CTNNA3: variants seen among roughly 807,000 people sequenced by gnomAD.
The protein encoded by CTNNA3 is catenin alpha 3.
CTNNA3 carries 76 observed loss-of-function variants against 95.7 expected under a neutral mutation model. The ratio of observed to expected loss-of-function variants is 0.79; its 90% CI spans 0.66 to 0.96. The LOEUF (loss-of-function observed/expected upper bound fraction) is 0.96, where lower values mean the gene tolerates loss of function less well. CTNNA3 is among the 40% of genes least tolerant of loss of function. CTNNA3 has a pLI of 0.00. For synonymous variants in CTNNA3, 431 were observed against 374.4 expected (o/e 1.15, Z -1.74); for missense variants, 1,191 against 1,089.8 (o/e 1.09, Z -1.31).
intron 2 of CTNNA3, among the ~76,000 whole-genome samples, chr10:67,640,919 C>G (rs976159960): frequency 1.4e-4 from 22 of 152,138 alleles, no homozygotes; most frequent in African/African-American, 5.1e-4. Flanking sequence ...AAAACCTAGG[C>G]AATACCATTC....
chr10:67,054,734 A>C (rs138298456), intron 7 of CTNNA3: 1 of 152,218 alleles, frequency 6.6e-6, no homozygotes, highest in East Asian at 1.9e-4. Flanking sequence ...TCGAAGTACA[A>C]CACTTCTCAA....
At chr10:67,512,073 A>G (rs909743184) in intron 5 of CTNNA3, among the ~76,000 whole-genome samples, 1 of 152,074 alleles carries the variant, frequency 6.6e-6, no homozygotes, top group Non-Finnish European at 1.5e-5. Context: ...GCTTCTCTAA[A>G]TAGAAATTTT....
chr10:66,649,169 T>C (rs1005155450), intron 9 of CTNNA3, among the ~76,000 whole-genome samples: 1 of 152,058 alleles, frequency 6.6e-6, no homozygotes, highest in African/African-American at 2.4e-5. Flanking sequence ...ATGATTTCAG[T>C]GGAGAATGCG....
intron 7 of CTNNA3, among the ~76,000 whole-genome samples, chr10:67,110,162 A>T (rs1334060957): frequency 1.3e-5 from 2 of 152,364 alleles, no homozygotes; most frequent in Non-Finnish European, 2.9e-5. Context: ...TGAACTCATT[A>T]GACAATAACT....
chr10:66,867,205 T>C (rs4746645), intron 7 of CTNNA3, among the ~76,000 whole-genome samples: 56,675 of 152,092 alleles, frequency 0.37, 11,976 homozygotes, highest in Non-Finnish European at 0.5. Flanking sequence ...ATATACATTT[T>C]CATTATCTTC....
intron 6 of CTNNA3, among the ~76,000 whole-genome samples, chr10:67,199,885 A>G (rs577999685): frequency 1.3e-5 from 2 of 152,324 alleles, no homozygotes; most frequent in Non-Finnish European, 2.9e-5. Context: ...ACAATACATA[A>G]TTCCATCAAG....
intron 3 of CTNNA3, among the ~76,000 whole-genome samples, chr10:67,598,193 C>A (rs1842981469): frequency 1.3e-5 from 2 of 152,164 alleles, no homozygotes; most frequent in East Asian, 1.9e-4. Flanking sequence ...TGTGATCATT[C>A]TTGTTCCAAA....
At chr10:67,330,771 C>T (rs1841754743) in intron 5 of CTNNA3, among the ~76,000 whole-genome samples, 2 of 151,960 alleles carry the variant, frequency 1.3e-5, no homozygotes, top group South Asian at 4.1e-4. Flanking sequence ...ATACAGATCA[C>T]TCCCCAAACC....
chr10:67,373,499 G>GACTT (rs1171461128), intron 5 of CTNNA3, among the ~76,000 whole-genome samples: 1 of 152,164 alleles, frequency 6.6e-6, no homozygotes, highest in African/African-American at 2.4e-5. Context: ...CGTACAAAGA[G>GACTT]ACTTAGACTC....
At chr10:66,056,220 GT>G (rs934462244) in intron 15 of CTNNA3, among the ~76,000 whole-genome samples, 6 of 151,928 alleles carry the variant, frequency 3.9e-5, no homozygotes, top group African/African-American at 1.2e-4. Flanking sequence ...ATACATACTT[GT>G]TGAGGGTTTT....
At chr10:67,717,858 G>T (rs1159185630) in intron 1 of CTNNA3, among the ~76,000 whole-genome samples, 4 of 152,220 alleles carry the variant, frequency 2.6e-5, no homozygotes, top group Non-Finnish European at 5.9e-5. Context: ...TATGAAGAAA[G>T]TCAGTGGTAG....
At chr10:66,588,591 GT>G in intron 10 of CTNNA3, among the ~76,000 whole-genome samples, 1 of 152,086 alleles carries the variant, frequency 6.6e-6, no homozygotes. Flanking sequence ...AGTCTGATAG[GT>G]TTTCCTTTAT....
Position 66,036,903 on chromosome 10 carries a change from C to T in CTNNA3, c.2159+32405G>A, listed in dbSNP as rs571520244. On this transcript the variant is annotated intron_variant, in intron 15 of 17. Coordinates refer to ENST00000433211, the MANE Select transcript of CTNNA3 (RefSeq NM_013266.4). ...TTTTTTTTTTTTTGAGACTGAGTCT[C>T]GCCCTGTCGCCCAGGCTGGAGTGCA... 8.3e-4 allele frequency among the ~76,000 whole-genome samples: 106 copies of T among 128,304 alleles called. 1 individual carries two copies. Among genetic ancestry groups the T allele is most frequent in the African/African-American group, 2.9e-3 (98 of 33,544 alleles). The allele number at this position is 128,304 out of a possible 152,430, so 84.2% of individuals were successfully genotyped here.
At chr10:66,622,918 C>T (rs1020802575) in intron 9 of CTNNA3, among the ~76,000 whole-genome samples, 61 of 152,010 alleles carry the variant, frequency 4.0e-4, no homozygotes, top group African/African-American at 1.3e-3. Flanking sequence ...AATAACTCCT[C>T]GGTTTTCATT....
chr10:66,141,407 T>G (rs1331402799), intron 13 of CTNNA3, among the ~76,000 whole-genome samples: 1 of 152,122 alleles, frequency 6.6e-6, no homozygotes, highest in Non-Finnish European at 1.5e-5. Flanking sequence ...ATATTGTTAT[T>G]TATACCAAAA....
At chr10:66,727,635 AG>A (rs1371719055) in intron 9 of CTNNA3, among the ~76,000 whole-genome samples, 6 of 152,124 alleles carry the variant, frequency 3.9e-5, no homozygotes, top group Non-Finnish European at 7.4e-5. Context: ...TAAATCTAAT[AG>A]AGAAGTAGCA....
intron 7 of CTNNA3, among the ~76,000 whole-genome samples, chr10:66,839,954 T>C (rs545706485): frequency 6.6e-6 from 1 of 152,278 alleles, no homozygotes; most frequent in African/African-American, 2.4e-5. Context: ...TTGAAGTATC[T>C]GATTTGGGGT....
intron 11 of CTNNA3, among the ~76,000 whole-genome samples, chr10:66,441,596 A>G (rs2093375892): frequency 6.6e-6 from 1 of 152,226 alleles, no homozygotes; most frequent in Non-Finnish European, 1.5e-5. Context: ...CATAATGCAA[A>G]CATTTGTAAA....
chr10:66,659,749 C>T (rs1846195057), intron 9 of CTNNA3, among the ~76,000 whole-genome samples: 1 of 152,058 alleles, frequency 6.6e-6, no homozygotes, highest in Admixed American at 6.5e-5. Context: ...AAAGTATTAT[C>T]TATGAACCAG....
Sources: gnomAD v4.1 joint callset for allele counts (sites outside exome capture counted in the v4.1 genomes callset) on GRCh38, gnomAD v4.1.1 for gene constraint, MANE v1.5 for transcripts, NCBI Gene and HGNC (gene_info 2026-07-23, HGNC 2026-07-21) for gene names.